The following RAB31 variants were observed in gnomAD, a reference collection of about 807,000 sequenced individuals.
The protein encoded by RAB31 is RAB31, member RAS oncogene family, also known as ras-related protein Rab-31.
Under a neutral mutation model 25.6 loss-of-function variants are expected in RAB31, and 21 were observed. The ratio of observed to expected loss-of-function variants is 0.82; its 90% CI spans 0.58 to 1.18. RAB31 has a LOEUF of 1.18. Ranked by LOEUF, RAB31 falls within the 50% of genes most tolerant of loss-of-function variation. RAB31 has a pLI of 0.00. For missense variants in RAB31, 196 were observed against 250.1 expected (o/e 0.78, Z 1.46); for synonymous variants, 87 against 84.0 (o/e 1.04, Z -0.20).
At chr18:9,733,340 G>A (rs541486926) in intron 1 of RAB31, among the ~76,000 whole-genome samples, 4 of 152,282 alleles carry the variant, frequency 2.6e-5, no homozygotes, top group Non-Finnish European at 2.9e-5. Flanking sequence ...ACCATCCGAC[G>A]TGTGCAGATG....
At chr18:9,816,333 A>G (rs961060952) in intron 5 of RAB31, among the ~76,000 whole-genome samples, 7 of 152,366 alleles carry the variant, frequency 4.6e-5, no homozygotes, top group Admixed American at 3.9e-4. Flanking sequence ...TTCAAATTAT[A>G]ACTCCTGTAC....
At chr18:9,745,589 A>C (rs1216183649) in intron 1 of RAB31, among the ~76,000 whole-genome samples, 1 of 152,218 alleles carries the variant, frequency 6.6e-6, no homozygotes, top group Non-Finnish European at 1.5e-5. Context: ...ATACACCATG[A>C]CCAGATGGGG....
At position 9,708,892 on chromosome 18, in the gene RAB31, C is replaced by T. The variant is rs573545246; in HGVS notation, c.39+448C>T. ...CTCCTCCGCTTTTGATAGTTTCCTT[C>T]CGGCAGAAAGTTTAAGTTGCTCAGC... On this transcript the variant is annotated intron_variant, in intron 1 of 6. Coordinates refer to ENST00000578921, the MANE Select transcript of RAB31 (RefSeq NM_006868.4). This position sits in a 1 kb window ranked among gnomAD's most constrained non-coding sequence, Gnocchi z 6.4. 1.9e-3 allele frequency among the ~76,000 whole-genome samples: 295 copies of T among 152,336 alleles called. No homozygotes were observed. Among genetic ancestry groups the T allele is most frequent in the Non-Finnish European group, 3.0e-3 (201 of 68,034 alleles).
At chr18:9,782,297 C>T (rs907497612) in intron 2 of RAB31, among the ~76,000 whole-genome samples, 5 of 152,206 alleles carry the variant, frequency 3.3e-5, no homozygotes, top group African/African-American at 1.2e-4. Context: ...GGGGACTTGC[C>T]TAGGTGCACA....
intron 1 of RAB31, among the ~76,000 whole-genome samples, chr18:9,711,492 C>A (rs911441126): frequency 6.6e-6 from 1 of 152,234 alleles, no homozygotes; most frequent in Non-Finnish European, 1.5e-5. Context: ...CCCACCTCAG[C>A]CTGCCAAGTA....
intron 1 of RAB31, among the ~76,000 whole-genome samples, chr18:9,745,722 A>G (rs1239383634): frequency 1.3e-5 from 2 of 152,184 alleles, no homozygotes; most frequent in East Asian, 1.9e-4. Context: ...AAGTATTGAC[A>G]CATTCCAACA....
At chr18:9,729,173 A>C (rs146975366) in intron 1 of RAB31, among the ~76,000 whole-genome samples, 1 of 152,208 alleles carries the variant, frequency 6.6e-6, no homozygotes, top group Non-Finnish European at 1.5e-5. Flanking sequence ...TTAGTTAACT[A>C]TATCAATCTT....
chr18:9,735,962 G>C (rs983456486), intron 1 of RAB31, among the ~76,000 whole-genome samples: 5 of 152,082 alleles, frequency 3.3e-5, no homozygotes, highest in Admixed American at 3.3e-4. Flanking sequence ...TCATCCTCCT[G>C]AGTAGGTGGG....
intron 2 of RAB31, among the ~76,000 whole-genome samples, chr18:9,780,632 T>C (rs2068398439): frequency 6.6e-6 from 1 of 152,230 alleles, no homozygotes; most frequent in South Asian, 2.1e-4. Flanking sequence ...TTTGTACTTT[T>C]ATAAATAATG....
rs529020262 is a variant in RAB31 at position 9,747,095 on chromosome 18, G to A, written c.40-28183G>A. Among the ~76,000 whole-genome samples the A allele has an allele frequency of 1.3e-3, 198 of 152,280 alleles. 5 individuals are homozygous for A. In the South Asian group the frequency reaches 0.039, roughly 30 times the overall value. Reference sequence around the variant, plus strand: ...GACAAAGTACTCAGTTAAGCAATGAGCAAAGGATTTGAATAGACCTTCTCC... The same window carrying A: ...GACAAAGTACTCAGTTAAGCAATGAACAAAGGATTTGAATAGACCTTCTCC... On this transcript the variant is annotated intron_variant, in intron 1 of 6. Transcript: ENST00000578921.
At position 9,845,613 on chromosome 18, in the gene RAB31, G is replaced by A. The variant is rs1482555508; in HGVS notation, c.412G>A (p.Ala138Thr). ...EVPLKDAKEYAESIGAIVVET... is the reference protein window; with the variant it reads ...EVPLKDAKEYTESIGAIVVET... Reference sequence around the variant, plus strand: ...TCCCCTGAAGGATGCTAAGGAATACGCTGAATCCATAGGTGCCATCGTGGT... The same window carrying A: ...TCCCCTGAAGGATGCTAAGGAATACACTGAATCCATAGGTGCCATCGTGGT... Residue 138 changes from alanine (A) to threonine (T), a missense_variant, in exon 6 of 7, where the codon GCT becomes ACT. Physicochemically the swap from Ala to Thr is moderately conservative, Grantham distance 58 (BLOSUM62 0). Coordinates refer to ENST00000578921, the MANE Select transcript of RAB31 (RefSeq NM_006868.4). 1.5e-5 allele frequency: 23 copies of A among 1,565,352 alleles called. No homozygotes were observed. The highest frequency in any genetic ancestry group is 1.9e-5 in the Non-Finnish European group (22 of 1,154,962).
At chr18:9,797,192 T>C (rs1018563543) in intron 3 of RAB31, among the ~76,000 whole-genome samples, 3 of 152,208 alleles carry the variant, frequency 2.0e-5, no homozygotes, top group Non-Finnish European at 4.4e-5. Flanking sequence ...GATATACGTG[T>C]GTATTACTTG....
chr18:9,785,374 G>C (rs550789388), intron 2 of RAB31: 1 of 152,748 alleles, frequency 6.5e-6, no homozygotes, highest in Admixed American at 6.5e-5. Flanking sequence ...GGTGTGATCA[G>C]ACTGGTGCTG....
At chr18:9,857,326 G>A (rs1386634360) in intron 6 of RAB31, among the ~76,000 whole-genome samples, 1 of 152,112 alleles carries the variant, frequency 6.6e-6, no homozygotes, top group Non-Finnish European at 1.5e-5. Context: ...TTGTGGAAAT[G>A]CACCTCTGCT....
intron 2 of RAB31, among the ~76,000 whole-genome samples, chr18:9,779,485 G>T (rs1316254633): frequency 3.9e-5 from 6 of 152,168 alleles, no homozygotes; most frequent in African/African-American, 1.4e-4. Context: ...AGTCCACTTA[G>T]GTCCTCCTTA....
chr18:9,714,601 C>T (rs1261636220), intron 1 of RAB31, among the ~76,000 whole-genome samples: 3 of 152,222 alleles, frequency 2.0e-5, no homozygotes, highest in African/African-American at 2.4e-5. Context: ...GTAGATAACG[C>T]TTATTTGGTG....
rs1055517967 is a variant in RAB31, at chr18:9,766,288, T to C, written c.40-8990T>C. 1.3e-5 allele frequency among the ~76,000 whole-genome samples: 2 copies of C among 152,192 alleles called. No homozygotes were observed. Among genetic ancestry groups the C allele is most frequent in the South Asian group, 2.1e-4 (1 of 4,826 alleles). ...GCTCCAAGATGTGGAGGCGCCTTCCTGCGTGACCTCATCTCTGCATCTGCG... is the reference window on the plus strand; with the variant it reads ...GCTCCAAGATGTGGAGGCGCCTTCCCGCGTGACCTCATCTCTGCATCTGCG... On this transcript the variant is annotated intron_variant, in intron 1 of 6. Coordinates refer to ENST00000578921, the MANE Select transcript of RAB31 (RefSeq NM_006868.4). The surrounding 1 kb of genome is among the most constrained non-coding windows in gnomAD (Gnocchi z 4.3).
chr18:9,855,249 T>TA (rs34984829), intron 6 of RAB31, among the ~76,000 whole-genome samples: 53 of 145,070 alleles, frequency 3.7e-4, no homozygotes, highest in African/African-American at 7.3e-4. Flanking sequence ...AAACTGAACT[T>TA]AAAAAAAAAA....
In RAB31 at chr18:9,720,869, A is replaced by G. The variant is rs141052177; in HGVS notation, c.39+12425A>G. 2.5e-3 allele frequency among the ~76,000 whole-genome samples: 376 copies of G among 152,188 alleles called. 6 individuals are homozygous for G. The highest frequency in any genetic ancestry group is 8.7e-3 in the African/African-American group (361 of 41,528). ...GAAAGTGACTCTAGGTCCGATTATA[A>G]AGGGGTCTTGCAGTTTGAGTTTATA... On this transcript the variant is annotated intron_variant, in intron 1 of 6. Coordinates refer to ENST00000578921, the MANE Select transcript of RAB31 (RefSeq NM_006868.4).
Sources: allele counts gnomAD v4.1 joint callset (sites outside exome capture counted in the v4.1 genomes callset), GRCh38; gene constraint gnomAD v4.1.1; non-coding constraint Gnocchi (gnomAD v3.1); transcripts MANE v1.5; gene names NCBI Gene and HGNC (gene_info 2026-07-23, HGNC 2026-07-21).